CCNYL1: variants seen among roughly 807,000 people sequenced by gnomAD.
CCNYL1 encodes cyclin Y like 1.
Under a neutral mutation model 44.2 loss-of-function variants are expected in CCNYL1, and 16 were observed. That is an observed-to-expected ratio of 0.36 (90% confidence interval 0.25 to 0.55). The LOEUF (loss-of-function observed/expected upper bound fraction) is 0.55. CCNYL1 is among the 20% of genes least tolerant of loss of function. The probability of loss-of-function intolerance (pLI) is 0.85; values close to 1 mark genes in which losing one functional copy is unlikely to be tolerated. For missense variants in CCNYL1, 348 were observed against 451.8 expected (o/e 0.77, Z 2.08); for synonymous variants, 159 against 163.2 (o/e 0.97, Z 0.20).
rs34971099 is a variant in CCNYL1 at position 207,738,231 on chromosome 2, G to GTT, written c.467+792_467+793dup. On this transcript the variant is annotated intron_variant, in intron 5 of 9. Transcript: ENST00000295414. ...TTATTTTTTAGTTTATTTTTATTTG[G>GTT]TTTTTTTTGAGACGGAGTCTTGTCT... Among the ~76,000 whole-genome samples the GTT allele has an allele frequency of 3.9e-3, 598 of 151,646 alleles. 2 individuals are homozygous for GTT. Among genetic ancestry groups the GTT allele is most frequent in the African/African-American group, 0.013 (548 of 41,360 alleles).
intron 1 of CCNYL1, among the ~76,000 whole-genome samples, chr2:207,722,895 G>A (rs1421704854): frequency 6.6e-6 from 1 of 151,854 alleles, no homozygotes; most frequent in African/African-American, 2.4e-5. Context: ...GGAGGTGGAG[G>A]TTGCAGTGAG....
At position 207,737,462 on chromosome 2, in the gene CCNYL1, AC is replaced by A. The variant is rs747072757; in HGVS notation, c.467+18del. 2 of 1,604,610 alleles carry A rather than the reference AC, an allele frequency of 1.2e-6. No individual in the cohort carries two copies. The highest frequency in any genetic ancestry group is 4.5e-5 in the East Asian group (2 of 44,774). On this transcript the variant is annotated intron_variant, in intron 5 of 9. Transcript: ENST00000295414. ...TAAAGAACAGGTGAGCTCCTTTAAA[AC>A]CTGTCTTGTTATTCCAGCTAATTAC...
chr2:207,714,085 T>C (rs928496811), intron 1 of CCNYL1, among the ~76,000 whole-genome samples: 2 of 152,194 alleles, frequency 1.3e-5, no homozygotes, highest in African/African-American at 4.8e-5. Flanking sequence ...GAGTTAGGTA[T>C]GTAGAATGAC....
chr2:207,748,460 C>A (rs762495181), intron 8 of CCNYL1, among the ~76,000 whole-genome samples: 2 of 152,110 alleles, frequency 1.3e-5, no homozygotes, highest in African/African-American at 4.8e-5. Context: ...TCGTGTCGGC[C>A]GTGAAGGGAA....
At chr2:207,729,247 T>TC (rs2091703293) in intron 3 of CCNYL1, among the ~76,000 whole-genome samples, 2 of 104,606 alleles carry the variant, frequency 1.9e-5, no homozygotes, top group African/African-American at 1.0e-4. Context: ...TTTACTTGTC[T>TC]CCGCCCCCCC....
chr2:207,745,345 ACT>A (rs963617565), intron 7 of CCNYL1, among the ~76,000 whole-genome samples: 1 of 152,056 alleles, frequency 6.6e-6, no homozygotes, highest in Non-Finnish European at 1.5e-5. Flanking sequence ...GAAGAAAAGA[ACT>A]CTCACACTGA....
intron 1 of CCNYL1, among the ~76,000 whole-genome samples, chr2:207,723,568 T>G (rs1004526953): frequency 6.6e-6 from 1 of 152,106 alleles, no homozygotes; most frequent in African/African-American, 2.4e-5. Flanking sequence ...TTGGTTAAGA[T>G]AAGTGGCTTG....
In CCNYL1 at chr2:207,744,940, A is replaced by G. The variant is rs113325395; in HGVS notation, c.640-2107A>G. Among the ~76,000 whole-genome samples the G allele has an allele frequency of 7.8e-4, 119 of 152,310 alleles. 3 individuals carry two copies. The East Asian group carries it at 0.02, about 25-fold the overall frequency. Reference sequence around the variant, plus strand: ...GGTGTGGGATAACTTGAATGTAGGTATTTGGTCTCAGCAACTAGGTGAATG... The same window carrying G: ...GGTGTGGGATAACTTGAATGTAGGTGTTTGGTCTCAGCAACTAGGTGAATG... On this transcript the variant is annotated intron_variant, in intron 7 of 9. Transcript: ENST00000295414.
chr2:207,747,506 A>G (rs548808860), intron 8 of CCNYL1, among the ~76,000 whole-genome samples: 13 of 110,968 alleles, frequency 1.2e-4, no homozygotes, highest in African/African-American at 6.9e-4. Context: ...AAATCTTACA[A>G]GTATACTACC....
At position 207,747,115 on chromosome 2, in the gene CCNYL1, T is replaced by C. The variant is rs757482333; in HGVS notation, c.708T>C (p.Val236=). The change falls in exon 8 of 10, where the codon GTT becomes GTC. Residue 236 remains valine, a synonymous_variant. Transcript: ENST00000295414. ...DICPTNWKRI[V]LGAILLASKV... Reference sequence around the variant, plus strand: ...GTCCCACCAACTGGAAAAGGATTGTTCTGGGAGCCATTCTTCTTGCCTCCA... The same window carrying C: ...GTCCCACCAACTGGAAAAGGATTGTCCTGGGAGCCATTCTTCTTGCCTCCA... 3 of 1,614,172 alleles carry C rather than the reference T, an allele frequency of 1.9e-6. No individual in the cohort carries two copies. The East Asian group carries it at 6.7e-5, about 36-fold the overall frequency.
intron 1 of CCNYL1, among the ~76,000 whole-genome samples, chr2:207,717,518 A>C (rs559711415): frequency 1.3e-5 from 2 of 152,170 alleles, no homozygotes; most frequent in African/African-American, 4.8e-5. Flanking sequence ...ATAATCAAGA[A>C]TGTTAGGTGG....
At chr2:207,728,554 G>A (rs1028005399) in intron 3 of CCNYL1, among the ~76,000 whole-genome samples, 8 of 152,316 alleles carry the variant, frequency 5.3e-5, no homozygotes, top group African/African-American at 1.7e-4. Context: ...GGGGTTACAG[G>A]TGTGAGCCAC....
chr2:207,735,107 T>C (rs1159924025), intron 4 of CCNYL1, among the ~76,000 whole-genome samples: 1 of 152,252 alleles, frequency 6.6e-6, no homozygotes, highest in African/African-American at 2.4e-5. Context: ...CAAACAAGTA[T>C]AATAGATTTC....
At chr2:207,738,231 G>T (rs555771481) in intron 5 of CCNYL1, among the ~76,000 whole-genome samples, 51 of 151,648 alleles carry the variant, frequency 3.4e-4, no homozygotes, top group East Asian at 1.4e-3. Flanking sequence ...TTTTTATTTG[G>T]TTTTTTTTGA....
At chr2:207,750,730 G>C in intron 8 of CCNYL1, 2 of 433,392 alleles carry the variant, frequency 4.6e-6, no homozygotes, top group Non-Finnish European at 8.2e-6. Flanking sequence ...CAAGTGCATC[G>C]GAGGCCGTAA....
intron 1 of CCNYL1, among the ~76,000 whole-genome samples, chr2:207,720,298 C>T (rs559011072): frequency 1.3e-5 from 2 of 151,390 alleles, no homozygotes; most frequent in Non-Finnish European, 2.9e-5. Flanking sequence ...TTGGATACTG[C>T]CTTTTTTCCA....
intron 3 of CCNYL1, among the ~76,000 whole-genome samples, chr2:207,731,809 T>C (rs1358368344): frequency 5.8e-5 from 6 of 104,318 alleles, no homozygotes; most frequent in African/African-American, 3.4e-4. Flanking sequence ...GTTTCTTCTT[T>C]TTTTTTTTTT....
At chr2:207,730,508 A>C (rs2091718516) in intron 3 of CCNYL1, among the ~76,000 whole-genome samples, 1 of 152,208 alleles carries the variant, frequency 6.6e-6, no homozygotes, top group Non-Finnish European at 1.5e-5. Context: ...CTGTAATCTC[A>C]GCACTTTGGG....
At chr2:207,728,785 G>A (rs992768250) in intron 3 of CCNYL1, among the ~76,000 whole-genome samples, 6 of 151,746 alleles carry the variant, frequency 4.0e-5, no homozygotes, top group African/African-American at 1.5e-4. Context: ...AATATGGCTT[G>A]CTATGGACCT....
Sources: gnomAD v4.1 joint callset for allele counts (sites outside exome capture counted in the v4.1 genomes callset) on GRCh38, gnomAD v4.1.1 for gene constraint, MANE v1.5 for transcripts, NCBI Gene and HGNC (gene_info 2026-07-23, HGNC 2026-07-21) for gene names.